The following FAHD1 variants were observed in gnomAD, a reference collection of about 807,000 sequenced individuals.
FAHD1 encodes FAH domain containing oxaloacetate decarboxylase 1.
In FAHD1, 14 loss-of-function variants were observed where a neutral mutation model predicts 12.7. That is an observed-to-expected ratio of 1.10 (90% CI 0.73 to 1.72). The LOEUF (loss-of-function observed/expected upper bound fraction) is 1.72. Among genes scored for constraint, FAHD1 ranks in the 40% most tolerant of loss-of-function variants. The pLI, the probability that FAHD1 is intolerant of heterozygous loss-of-function variation, is 0.00. For missense variants in FAHD1, 351 were observed against 298.9 expected (o/e 1.17, Z -1.29); for synonymous variants, 153 against 124.9 (o/e 1.22, Z -1.50).
exon 1 of FAHD1, chr16:1,827,213 G>A (rs1235648628): frequency 3.2e-6 from 5 of 1,584,886 alleles, no homozygotes; most frequent in South Asian, 1.1e-5. Context: ...CAGCCCACGT[G>A]ACTACAGGGG....
downstream of FAHD1, among the ~76,000 whole-genome samples, chr16:1,830,599 A>G (rs1232691632): frequency 6.6e-6 from 1 of 152,246 alleles, no homozygotes; most frequent in Non-Finnish European, 1.5e-5. Context: ...CTTTGTCACA[A>G]ACATTGACAT....
chr16:1,832,071 C>T (rs1898629323), downstream of FAHD1, among the ~76,000 whole-genome samples: 1 of 151,340 alleles, frequency 6.6e-6, no homozygotes, highest in African/African-American at 2.4e-5. Flanking sequence ...CACTTTTTGC[C>T]AAATTGCAGA....
exon 1 of FAHD1, chr16:1,827,938 G>A: frequency 3.1e-6 from 5 of 1,598,798 alleles, no homozygotes; most frequent in Non-Finnish European, 4.3e-6. Flanking sequence ...AGAGAAGGGA[G>A]CAAGACAAGA....
intron 1 of FAHD1, among the ~76,000 whole-genome samples, chr16:1,835,868 T>C (rs1373896577): frequency 1.3e-5 from 2 of 151,562 alleles, no homozygotes; most frequent in South Asian, 2.1e-4. Context: ...TTTTCTTTTT[T>C]TTTTTTTTTG....
chr16:1,827,517 C>T (rs1898509849), exon 1 of FAHD1: 2 of 1,613,164 alleles, frequency 1.2e-6, no homozygotes, highest in Admixed American at 1.7e-5. Context: ...ACGTGGGCGG[C>T]TATGCCCTGT....
chr16:1,827,701 C>A (rs756417278), exon 1 of FAHD1: 7 of 1,614,154 alleles, frequency 4.3e-6, no homozygotes, highest in Non-Finnish European at 4.2e-6. Flanking sequence ...CGAACTCAGA[C>A]AGGAGGGTGA....
downstream of FAHD1, among the ~76,000 whole-genome samples, chr16:1,832,323 AC>A (rs1306697002): frequency 1.3e-5 from 2 of 149,516 alleles, no homozygotes; most frequent in African/African-American, 4.9e-5. Context: ...GGCGCCCTCC[AC>A]CACACCCGGC....
chr16:1,830,937 CA>C (rs1567269161), downstream of FAHD1, among the ~76,000 whole-genome samples: 71 of 116,522 alleles, frequency 6.1e-4, no homozygotes, highest in East Asian at 1.9e-3. Flanking sequence ...CACACACACA[CA>C]CACACACCCA....
downstream of FAHD1, among the ~76,000 whole-genome samples, chr16:1,831,077 A>G (rs1254360253): frequency 6.6e-6 from 1 of 152,138 alleles, no homozygotes; most frequent in Non-Finnish European, 1.5e-5. Context: ...ATAATTCCAC[A>G]GTGTATTAGT....
intron 1 of FAHD1, chr16:1,838,008 G>A (rs908265672): frequency 1.4e-6 from 2 of 1,434,200 alleles, no homozygotes; most frequent in Admixed American, 2.8e-5. Context: ...GTTTGTTTTT[G>A]TTTGTAGAGA....
intron 1 of FAHD1, among the ~76,000 whole-genome samples, chr16:1,834,847 AT>A (rs1898696206): frequency 6.6e-6 from 1 of 152,198 alleles, no homozygotes; most frequent in Non-Finnish European, 1.5e-5. Flanking sequence ...AGGCAGGAGA[AT>A]CCCTTGAACC....
At chr16:1,833,631 A>G (rs1898665209), downstream of FAHD1, among the ~76,000 whole-genome samples, 2 of 142,920 alleles carry the variant, frequency 1.4e-5, no homozygotes, top group Admixed American at 1.5e-4. Context: ...GCTGGATCTC[A>G]GCTCACTACA....
downstream of FAHD1, among the ~76,000 whole-genome samples, chr16:1,830,917 TACAC>T (rs1555470124): frequency 1.9e-3 from 219 of 114,850 alleles, 1 homozygote; most frequent in African/African-American, 5.8e-3. Context: ...TCTCTCTCTA[TACAC>T]ACACACACAC....
chr16:1,827,502 G>T lies in FAHD1; in HGVS notation c.264G>T (p.Met88Ile), dbSNP rs979125330. ...GCGCAGTCCCCGAGGCTGCGGCCATGGACTACGTGGGCGGCTATGCCCTGT... is the reference window on the plus strand; with the variant it reads ...GCGCAGTCCCCGAGGCTGCGGCCATTGACTACGTGGGCGGCTATGCCCTGT... Residue 88 changes from methionine (M) to isoleucine (I), a missense_variant, in exon 1 of 1, where the codon ATG becomes ATT. Transcript: ENST00000427358. The T allele has an allele frequency of 3.7e-6, 6 of 1,612,862 alleles. No homozygotes were observed. In the African/African-American group the frequency reaches 8.0e-5, roughly 22 times the overall value.
chr16:1,828,610 G>A lies in FAHD1; in HGVS notation c.*706G>A, dbSNP rs542831868. 2,321 of 997,648 alleles carry A rather than the reference G, an allele frequency of 2.3e-3. 3 individuals are homozygous for A. Among genetic ancestry groups the A allele is most frequent in the Non-Finnish European group, 2.6e-3 (2,154 of 827,726 alleles). 61.8% of individuals were successfully genotyped at this position (997,648 alleles called of 1,614,324 possible). On this transcript the variant is annotated 3_prime_UTR_variant, in exon 1 of 1. Transcript: ENST00000427358. The stretch of plus-strand genomic sequence containing the variant: ...ATTTTCTTAGATTTGGTCATCATCA[G>A]GAAGCATTTGTAAAAATAAAAATCT...
In FAHD1 at chr16:1,828,222, A is replaced by C. The variant is rs993047123; in HGVS notation, c.*318A>C. On this transcript the variant is annotated 3_prime_UTR_variant, in exon 1 of 1. Coordinates refer to ENST00000427358, the Ensembl canonical transcript of FAHD1. ...ATTGAACCCGGGAGGCGGAGCTTAC[A>C]GTGAGCTGAGATTGCGCCACTGTAC... 8.5e-6 allele frequency: 8 copies of C among 937,888 alleles called. No homozygotes were observed. In the African/African-American group the frequency reaches 9.1e-5, roughly 11 times the overall value. 58.1% of individuals were successfully genotyped at this position (937,888 alleles called of 1,614,324 possible).
exon 2 of FAHD1, chr16:1,838,043 C>G: frequency 7.8e-7 from 1 of 1,280,784 alleles, no homozygotes; most frequent in South Asian, 1.6e-5. Context: ...GTCGCCCAAG[C>G]TGGAGTGCAG....
exon 1 of FAHD1, chr16:1,827,702 A>G (rs1266066680): frequency 6.2e-7 from 1 of 1,614,184 alleles, no homozygotes; most frequent in South Asian, 1.1e-5. Context: ...GAACTCAGAC[A>G]GGAGGGTGAG....
chr16:1,838,802 G>A (rs141980165), intron 2 of FAHD1, among the ~76,000 whole-genome samples: 2 of 151,774 alleles, frequency 1.3e-5, no homozygotes, highest in African/African-American at 4.8e-5. Context: ...AGTGATTCTC[G>A]TGCCCCAGCC....
Sources: allele counts gnomAD v4.1 joint callset (sites outside exome capture counted in the v4.1 genomes callset), GRCh38; gene constraint gnomAD v4.1.1; transcripts MANE v1.5; gene names NCBI Gene and HGNC (gene_info 2026-07-23, HGNC 2026-07-21).